CACNA2D4: variants seen among roughly 807,000 people sequenced by gnomAD.
The protein encoded by CACNA2D4 is voltage-dependent calcium channel subunit alpha-2/delta-4.
Under a neutral mutation model 163.8 loss-of-function variants are expected in CACNA2D4, and 157 were observed. That is an observed-to-expected ratio of 0.96 (90% CI 0.84 to 1.09). CACNA2D4 has a LOEUF of 1.09. CACNA2D4 is among the 50% of genes least tolerant of loss of function. CACNA2D4 has a pLI of 0.00. For synonymous variants in CACNA2D4, 598 were observed against 586.9 expected, an observed-to-expected ratio of 1.02 and a Z score of -0.27; for missense variants, 1,410 against 1,479.9, an observed-to-expected ratio of 0.95 and a Z score of 0.78.
chr12:1,896,738 A>T (rs1866416507), intron 6 of CACNA2D4, among the ~76,000 whole-genome samples: 1 of 152,202 alleles, frequency 6.6e-6, no homozygotes, highest in Non-Finnish European at 1.5e-5. Flanking sequence ...CACTATGGAA[A>T]ACAATATGGT....
In CACNA2D4 at chr12:1,852,797, C is replaced by T. The variant is rs903153105; in HGVS notation, c.2246+1154G>A. Among the ~76,000 whole-genome samples, 10 of 152,132 alleles carry T rather than the reference C, an allele frequency of 6.6e-5. No individual in the cohort carries two copies. In the East Asian group the frequency reaches 7.7e-4, roughly 12 times the overall value. On this transcript the variant is annotated intron_variant, in intron 23 of 37. Transcript: ENST00000382722. The stretch of plus-strand genomic sequence containing the variant: ...GCACAACAGTGCAGGGTTTAAGAGT[C>T]GGGGCGCAGGAGTGAGGCTGCCTGC...
chr12:1,859,538 C>T (rs572587821), intron 19 of CACNA2D4, among the ~76,000 whole-genome samples: 21 of 152,200 alleles, frequency 1.4e-4, no homozygotes, highest in Non-Finnish European at 2.6e-4. Flanking sequence ...TACAGTTGCA[C>T]GGAACCTGAG....
At chr12:1,821,034 G>A (rs1392153380) in intron 26 of CACNA2D4, among the ~76,000 whole-genome samples, 1 of 152,242 alleles carries the variant, frequency 6.6e-6, no homozygotes, top group Non-Finnish European at 1.5e-5. Context: ...ACAGTGCTGG[G>A]GACAAGAGCT....
intron 1 of CACNA2D4, among the ~76,000 whole-genome samples, chr12:1,915,391 G>C (rs1866947462): frequency 6.6e-6 from 1 of 152,216 alleles, no homozygotes; most frequent in Non-Finnish European, 1.5e-5. Context: ...GAGAGTGGCA[G>C]ACTGAGAGGA....
intron 29 of CACNA2D4, among the ~76,000 whole-genome samples, chr12:1,805,716 C>A (rs1206321453): frequency 1.3e-5 from 2 of 152,236 alleles, no homozygotes; most frequent in Admixed American, 1.3e-4. Context: ...TAATTCTATT[C>A]CTGGAGGGCC....
At chr12:1,907,676 T>C in intron 5 of CACNA2D4, 105 bp from the exon 6 acceptor site, 1 of 1,220,394 alleles carries the variant, frequency 8.2e-7, no homozygotes, top group Non-Finnish European at 1.2e-6. Flanking sequence ...GCGTGTCTGG[T>C]AAGCGTGCCT....
chr12:1,801,819 C>T (rs747572999), intron 29 of CACNA2D4, among the ~76,000 whole-genome samples, 175 bp from the exon 30 acceptor site: 4 of 152,246 alleles, frequency 2.6e-5, no homozygotes, highest in East Asian at 3.9e-4. Flanking sequence ...CGCCCCTGTC[C>T]GGTCCTGGCT....
chr12:1,893,837 C>A (rs895226852), intron 6 of CACNA2D4, among the ~76,000 whole-genome samples: 2 of 151,820 alleles, frequency 1.3e-5, no homozygotes, highest in Admixed American at 6.6e-5. Context: ...TAATAATACA[C>A]CTCAAGGAAA....
Position 1,834,788 on chromosome 12 carries a change from C to A in CACNA2D4, c.2551+5951G>T. 6.7e-7 allele frequency: 1 copy of A among 1,500,408 alleles called. No homozygotes were observed. 92.9% of individuals were successfully genotyped at this position (1,500,408 alleles called of 1,614,324 possible). A position where few individuals can be genotyped will look rare whatever the true frequency, so the allele number is the denominator to read the frequency against. ...CACACGGCATTGCTCAGCCACAGCT[C>A]CCACCTTGACCCGGCGCTGGCCACT... On this transcript the variant is annotated intron_variant, in intron 26 of 37. Coordinates refer to ENST00000382722, the MANE Select transcript of CACNA2D4 (RefSeq NM_172364.5). The surrounding 1 kb of genome is among the most constrained non-coding windows in gnomAD (Gnocchi z 7.6).
At position 1,910,468 on chromosome 12, in the gene CACNA2D4, A is replaced by G. The variant is rs373113261; in HGVS notation, c.427-503T>C. On this transcript the variant is annotated intron_variant, in intron 3 of 37. Coordinates refer to ENST00000382722, the MANE Select transcript of CACNA2D4 (RefSeq NM_172364.5). ...TGGATGCAGGATGTTGATAGCGGGGAAGGCTGTGGCAACAGGGGATGTATG... is the reference window on the plus strand; with the variant it reads ...TGGATGCAGGATGTTGATAGCGGGGGAGGCTGTGGCAACAGGGGATGTATG... 5.4e-3 allele frequency among the ~76,000 whole-genome samples: 786 copies of G among 145,422 alleles called. 6 individuals are homozygous for G. The highest frequency in any genetic ancestry group is 0.019 in the African/African-American group (760 of 39,130).
intron 6 of CACNA2D4, among the ~76,000 whole-genome samples, chr12:1,894,195 T>C (rs1158345998): frequency 1.3e-5 from 2 of 152,014 alleles, no homozygotes; most frequent in Non-Finnish European, 2.9e-5. Flanking sequence ...CTGAAATAAA[T>C]AGAAAACCTG....
At chr12:1,803,662 C>T (rs375013860) in intron 29 of CACNA2D4, among the ~76,000 whole-genome samples, 1 of 152,206 alleles carries the variant, frequency 6.6e-6, no homozygotes. Context: ...GACAAAGGTG[C>T]TCACACTTGT....
chr12:1,862,507 G>A (rs1051174026), intron 18 of CACNA2D4, among the ~76,000 whole-genome samples: 1 of 152,108 alleles, frequency 6.6e-6, no homozygotes, highest in Non-Finnish European at 1.5e-5. Flanking sequence ...TCAGCTTCCC[G>A]GGTTCAAGCA....
rs1439030391 is a variant in CACNA2D4, at chr12:1,856,179, C to G, written c.2054+5G>C. 4 of 1,613,910 alleles carry G rather than the reference C, an allele frequency of 2.5e-6. No homozygotes were observed. Among genetic ancestry groups the G allele is most frequent in the Non-Finnish European group, 3.4e-6 (4 of 1,179,902 alleles). On this transcript the variant is annotated splice_donor_5th_base_variant and intron_variant, in intron 21 of 37. Coordinates refer to ENST00000382722, the MANE Select transcript of CACNA2D4 (RefSeq NM_172364.5). Reference sequence around the variant, plus strand: ...TCTCCCTCCCATTTTTTACTCCTCACTTACCAGTCACCGGCCAGGGCCAGG... The same window carrying G: ...TCTCCCTCCCATTTTTTACTCCTCAGTTACCAGTCACCGGCCAGGGCCAGG...
At chr12:1,877,175 G>A (rs114190592) in intron 16 of CACNA2D4, among the ~76,000 whole-genome samples, 4,330 of 152,300 alleles carry the variant, frequency 0.028, 195 homozygotes, top group African/African-American at 0.098. Context: ...ACTGCATCGT[G>A]AGGTCAGGCA....
rs935545965 is a variant in CACNA2D4, at chr12:1,860,506, G to A, written c.1879-300C>T. ...TGAGCACTTGAAATGTGTGGCCAAG[G>A]AACTGAATTTTCAGATTTTAGTTGG... On this transcript the variant is annotated intron_variant, in intron 18 of 37. Transcript: ENST00000382722. 6.6e-5 allele frequency among the ~76,000 whole-genome samples: 10 copies of A among 152,356 alleles called. 1 individual carries two copies. Among genetic ancestry groups the A allele is most frequent in the Admixed American group, 3.9e-4 (6 of 15,306 alleles).
intron 29 of CACNA2D4, among the ~76,000 whole-genome samples, chr12:1,805,937 G>T (rs1863522141): frequency 6.6e-6 from 1 of 152,240 alleles, no homozygotes; most frequent in Non-Finnish European, 1.5e-5. Context: ...AGAAACAGGA[G>T]CCGAGGCCCA....
intron 20 of CACNA2D4, among the ~76,000 whole-genome samples, 186 bp from the exon 21 acceptor site, chr12:1,856,415 C>T (rs1445672380): frequency 6.6e-6 from 1 of 152,238 alleles, no homozygotes; most frequent in Non-Finnish European, 1.5e-5. Flanking sequence ...GAAATGCTTT[C>T]TTCTCATTGT....
rs369526569 is a variant in CACNA2D4 at position 1,831,186 on chromosome 12, C to T, written c.2551+9553G>A. 42 of 1,613,920 alleles carry T rather than the reference C, an allele frequency of 2.6e-5. 1 individual carries two copies. The highest frequency in any genetic ancestry group is 1.3e-4 in the Admixed American group (8 of 60,034). On this transcript the variant is annotated intron_variant, in intron 26 of 37. Transcript: ENST00000382722. ...CCTGTCCAACAACTTCCTGGACCGG[C>T]TGCCCCGCTCCATTTTCGGGGACCT...
Sources: allele counts gnomAD v4.1 joint callset (sites outside exome capture counted in the v4.1 genomes callset), GRCh38; gene constraint gnomAD v4.1.1; non-coding constraint Gnocchi (gnomAD v3.1); transcripts MANE v1.5; gene names NCBI Gene and HGNC (gene_info 2026-07-23, HGNC 2026-07-21).